Variants in XRRA1 observed in about 807,000 individuals in gnomAD.
XRRA1 encodes X-ray radiation resistance associated 1.
Under a neutral mutation model 80.2 loss-of-function variants are expected in XRRA1, and 69 were observed. That is an observed-to-expected ratio of 0.86 (90% CI 0.71 to 1.05). The LOEUF is 1.05. Among genes scored for constraint, XRRA1 ranks in the 50% least tolerant of loss-of-function variants. The pLI is 0.00. For synonymous variants in XRRA1, 348 were observed against 389.9 expected, an observed-to-expected ratio of 0.89 and a Z score of 1.27; for missense variants, 967 against 976.4, an observed-to-expected ratio of 0.99 and a Z score of 0.13.
intron 11 of XRRA1, among the ~76,000 whole-genome samples, chr11:74,860,330 G>A (rs568644285): frequency 7.9e-5 from 12 of 152,296 alleles, no homozygotes; most frequent in African/African-American, 1.9e-4. Context: ...ACATGGTGGC[G>A]GTCTGATAAG....
intron 8 of XRRA1, among the ~76,000 whole-genome samples, chr11:74,909,030 C>A (rs1445306571): frequency 6.6e-6 from 1 of 152,146 alleles, no homozygotes; most frequent in East Asian, 1.9e-4. Flanking sequence ...TCAGCATGAC[C>A]CTCAGGCACG....
At chr11:74,874,040 A>G (rs1418657665) in intron 10 of XRRA1, among the ~76,000 whole-genome samples, 2 of 151,970 alleles carry the variant, frequency 1.3e-5, no homozygotes, top group Admixed American at 6.6e-5. Flanking sequence ...GATCAAGACC[A>G]TCCTGGCCAA....
intron 10 of XRRA1, among the ~76,000 whole-genome samples, chr11:74,888,791 C>G (rs1021284605): frequency 5.3e-5 from 8 of 151,316 alleles, no homozygotes; most frequent in African/African-American, 1.7e-4. Context: ...ATTTGATCAA[C>G]TGGAAGAAAG....
chr11:74,947,654 G>A (rs1229124611), intron 1 of XRRA1, among the ~76,000 whole-genome samples: 1 of 152,144 alleles, frequency 6.6e-6, no homozygotes, highest in Non-Finnish European at 1.5e-5. Flanking sequence ...AAGCTACAGG[G>A]GATCTGACTA....
chr11:74,876,477 C>T (rs900899031), intron 10 of XRRA1: 1 of 152,172 alleles, frequency 6.6e-6, no homozygotes, highest in Non-Finnish European at 1.5e-5. Flanking sequence ...TCACTTCCAA[C>T]AGGAATTAAC....
intron 10 of XRRA1, among the ~76,000 whole-genome samples, chr11:74,895,360 A>G (rs2052014261): frequency 1.3e-5 from 2 of 152,230 alleles, no homozygotes; most frequent in Non-Finnish European, 2.9e-5. Context: ...TGGTGCACAG[A>G]GGCAGAATTT....
chr11:74,859,960 ACATAACTCAGT>A (rs1293417354), intron 11 of XRRA1, among the ~76,000 whole-genome samples: 1 of 152,110 alleles, frequency 6.6e-6, no homozygotes, highest in Non-Finnish European at 1.5e-5. Flanking sequence ...GTTTAACTAT[ACATAACTCAGT>A]ACACTCACTG....
intron 10 of XRRA1, among the ~76,000 whole-genome samples, chr11:74,891,072 A>T (rs2050553636): frequency 6.6e-6 from 1 of 152,226 alleles, no homozygotes; most frequent in African/African-American, 2.4e-5. Context: ...CATCATCCTG[A>T]TACCAAAGCC....
chr11:74,929,976 G>A (rs1943127507), intron 6 of XRRA1, among the ~76,000 whole-genome samples: 1 of 152,162 alleles, frequency 6.6e-6, no homozygotes, highest in Admixed American at 6.6e-5. Flanking sequence ...TGCTCCTACA[G>A]GAGTACTTTA....
Position 74,933,987 on chromosome 11 carries a change from GTTCA to G in XRRA1, c.280-119_280-116del, listed in dbSNP as rs60527965. 586 of 655,616 alleles carry G rather than the reference GTTCA, an allele frequency of 8.9e-4. 2 individuals are homozygous for G. The highest frequency in any genetic ancestry group is 4.9e-3 in the East Asian group (176 of 35,690). 40.6% of individuals were successfully genotyped at this position (655,616 alleles called of 1,614,324 possible). A position where few individuals can be genotyped will look rare whatever the true frequency, so the allele number is the denominator to read the frequency against. On this transcript the variant is annotated intron_variant, in intron 4 of 18. Transcript: ENST00000684022. ...TATACTTGTCATAATTTGTTTGCTT[GTTCA>G]TTCATTCATTCATTCATTCATTCAT...
intron 10 of XRRA1, among the ~76,000 whole-genome samples, chr11:74,884,064 T>C (rs2048416189): frequency 6.6e-6 from 1 of 152,032 alleles, no homozygotes; most frequent in Admixed American, 6.5e-5. Context: ...CTAGGTGTGT[T>C]GGGGCACACC....
Position 74,937,517 on chromosome 11 carries a change from A to G in XRRA1, c.95-449T>C, listed in dbSNP as rs188708121. Among the ~76,000 whole-genome samples the G allele has an allele frequency of 2.0e-5, 3 of 152,192 alleles. No individual in the cohort carries two copies. In the East Asian group the frequency reaches 5.8e-4, roughly 29 times the overall value. On this transcript the variant is annotated intron_variant, in intron 3 of 18. Coordinates refer to ENST00000684022, the MANE Select transcript of XRRA1 (RefSeq NM_001378157.1). ...AAGCCCAATGTGTGACCTCAACTCA[A>G]TAGGTTCCATCTTCCCAGACCTCTA...
At chr11:74,894,751 A>G (rs1407640869) in intron 10 of XRRA1, among the ~76,000 whole-genome samples, 1 of 152,244 alleles carries the variant, frequency 6.6e-6, no homozygotes, top group East Asian at 1.9e-4. Flanking sequence ...GCCAAACCAT[A>G]TCAACCCTTG....
chr11:74,908,084 A>T (rs1341131446), intron 8 of XRRA1, among the ~76,000 whole-genome samples: 6 of 152,194 alleles, frequency 3.9e-5, no homozygotes, highest in Admixed American at 3.3e-4. Context: ...CCAAAATAGT[A>T]CACATAGGCA....
chr11:74,906,188 G>T, intron 10 of XRRA1, 51 bp downstream of exon 10: 1 of 1,532,764 alleles, frequency 6.5e-7, no homozygotes, highest in Non-Finnish European at 9.0e-7. Flanking sequence ...ACTCTCAGAA[G>T]TGTATTTCCA....
intron 10 of XRRA1, among the ~76,000 whole-genome samples, chr11:74,886,147 T>C (rs920301428): frequency 3.9e-5 from 6 of 152,144 alleles, no homozygotes; most frequent in African/African-American, 1.2e-4. Context: ...CCTTGAGAAC[T>C]GGAACAAGAC....
chr11:74,860,072 GAATT>G (rs1009932932), intron 11 of XRRA1, among the ~76,000 whole-genome samples: 1 of 152,178 alleles, frequency 6.6e-6, no homozygotes, highest in African/African-American at 2.4e-5. Context: ...ATCTTAAGCT[GAATT>G]AATTAATCAC....
At chr11:74,937,847 C>T (rs1450889976) in intron 3 of XRRA1, among the ~76,000 whole-genome samples, 1 of 152,166 alleles carries the variant, frequency 6.6e-6, no homozygotes, top group Non-Finnish European at 1.5e-5. Context: ...TCCGTAAGAG[C>T]AGGGACTTTA....
intron 11 of XRRA1, 92 bp downstream of exon 11, chr11:74,862,888 AT>A: frequency 1.7e-6 from 2 of 1,160,056 alleles, no homozygotes; most frequent in Non-Finnish European, 2.4e-6. Flanking sequence ...ATCTATAGAA[AT>A]GACTCTCATG....
Sources: allele counts gnomAD v4.1 joint callset (sites outside exome capture counted in the v4.1 genomes callset), GRCh38; gene constraint gnomAD v4.1.1; transcripts MANE v1.5; gene names NCBI Gene and HGNC (gene_info 2026-07-23, HGNC 2026-07-21).